GREB1: variants seen among roughly 807,000 people sequenced by gnomAD.
GREB1 encodes the protein growth regulating estrogen receptor binding 1.
In GREB1, 106 loss-of-function variants were observed where a neutral mutation model predicts 200.7. The ratio of observed to expected loss-of-function variants is 0.53; its 90% CI spans 0.45 to 0.62. The LOEUF is 0.62. GREB1 is among the 20% of genes least tolerant of loss of function. The pLI is 0.00. For synonymous variants in GREB1, 1,132 were observed against 1,092.4 expected, an observed-to-expected ratio of 1.04 and a Z score of -0.72; for missense variants, 2,243 against 2,556.8, an observed-to-expected ratio of 0.88 and a Z score of 2.65.
At chr2:11,627,330 C>T (rs146426703) in intron 25 of GREB1, among the ~76,000 whole-genome samples, 114 of 152,260 alleles carry the variant, frequency 7.5e-4, no homozygotes, top group South Asian at 1.7e-3. Context: ...CCAAGTTACC[C>T]GACCGTGGAG....
In GREB1 at chr2:11,618,913, C is replaced by G. The variant is rs1037677921; in HGVS notation, c.4038C>G (p.Pro1346=). The G allele has an allele frequency of 1.1e-5, 17 of 1,515,252 alleles. No homozygotes were observed. In the East Asian group the frequency reaches 2.6e-4, roughly 23 times the overall value. The allele number at this position is 1,515,252 out of a possible 1,614,324, so 93.9% of individuals were successfully genotyped here. ...FHPRRLLLSG[P]PQIGKTGAYL... The stretch of plus-strand genomic sequence containing the variant: ...CCCGCAGGCTGCTGCTCAGCGGCCC[C>G]CCTCAGGTGAGTGTTGCTCGCTGCC... Residue 1346 remains proline (P), a synonymous_variant, in exon 22 of 33, where the codon CCC becomes CCG. Transcript: ENST00000381486.
upstream of GREB1, among the ~76,000 whole-genome samples, chr2:11,533,665 A>G (rs1469540598): frequency 6.6e-6 from 1 of 152,244 alleles, no homozygotes; most frequent in Non-Finnish European, 1.5e-5. Flanking sequence ...TTGAGATTCT[A>G]GCTTAGTGCA....
intron 1 of GREB1, among the ~76,000 whole-genome samples, chr2:11,541,474 G>T (rs1364571738): frequency 6.6e-6 from 1 of 152,000 alleles, no homozygotes; most frequent in African/African-American, 2.4e-5. Context: ...GGAACACTTG[G>T]CATCGTGACC....
At chr2:11,571,893 A>C (rs1342867494) in intron 4 of GREB1, among the ~76,000 whole-genome samples, 1 of 152,036 alleles carries the variant, frequency 6.6e-6, no homozygotes, top group Non-Finnish European at 1.5e-5. Flanking sequence ...TTGTATTTTT[A>C]GTAGAGACAG....
At chr2:11,525,675 T>C (rs1273698364) in intron 1 of GREB1, among the ~76,000 whole-genome samples, 1 of 152,076 alleles carries the variant, frequency 6.6e-6, no homozygotes, top group African/African-American at 2.4e-5. Context: ...CTGCAGGGTG[T>C]AAGACACCAC....
At chr2:11,639,809 T>C (rs1487627880) in intron 32 of GREB1, among the ~76,000 whole-genome samples, 7 of 151,820 alleles carry the variant, frequency 4.6e-5, no homozygotes, top group Non-Finnish European at 1.5e-5. Flanking sequence ...AGAGGGACAG[T>C]GTGGAGGAGA....
chr2:11,598,577 G>A (rs1681475892), intron 14 of GREB1, 103 bp from the exon 15 acceptor site: 1 of 996,902 alleles, frequency 1.0e-6, no homozygotes, highest in Admixed American at 2.0e-5. Context: ...TCTGAGTCTA[G>A]CTCAGGACCT....
At chr2:11,588,965 G>T in intron 10 of GREB1, 34 bp downstream of exon 10, 1 of 1,583,940 alleles carries the variant, frequency 6.3e-7, no homozygotes, top group Non-Finnish European at 8.7e-7. Flanking sequence ...CCAGTGGCAG[G>T]GAGTGGCCAC....
intron 1 of GREB1, chr2:11,517,408 G>A (rs190826931): frequency 6.6e-6 from 1 of 152,468 alleles, no homozygotes; most frequent in East Asian, 1.9e-4. Context: ...TCGATGGCTG[G>A]ACCGACCTGA....
At chr2:11,619,058 T>C in intron 22 of GREB1, 139 bp downstream of exon 22, 1 of 868,906 alleles carries the variant, frequency 1.2e-6, no homozygotes, top group Non-Finnish European at 1.7e-6. Flanking sequence ...TCCAATGGCC[T>C]GGGGTGGACC....
At chr2:11,506,030 C>T (rs1673174316) in intron 1 of GREB1, among the ~76,000 whole-genome samples, 2 of 152,114 alleles carry the variant, frequency 1.3e-5, no homozygotes, top group African/African-American at 2.4e-5. Flanking sequence ...AGTGAAGGAG[C>T]GACAGGGCTG....
At chr2:11,607,607 T>TAG (rs1682506982) in intron 17 of GREB1, among the ~76,000 whole-genome samples, 5 of 32,560 alleles carry the variant, frequency 1.5e-4, no homozygotes, top group African/African-American at 2.2e-4. Flanking sequence ...TATATACATA[T>TAG]ATACACATAT....
At chr2:11,509,512 T>TA (rs1165967256) in intron 1 of GREB1, among the ~76,000 whole-genome samples, 6 of 152,192 alleles carry the variant, frequency 3.9e-5, no homozygotes, top group Non-Finnish European at 7.4e-5. Context: ...TTATCACACC[T>TA]AAAAAACATT....
Position 11,640,040 on chromosome 2 carries a change from C to T in GREB1, c.5687-251C>T, listed in dbSNP as rs966469702. ...GCCTCTCTCCTTCCTCTCCGCACCT[C>T]GGTTCAGTCCCTGCTCGGCTTTCCT... On this transcript the variant is annotated intron_variant, in intron 32 of 32. Transcript: ENST00000381486. This position sits in a 1 kb window ranked among gnomAD's most constrained non-coding sequence, Gnocchi z 4.6. Among the ~76,000 whole-genome samples the T allele has an allele frequency of 1.1e-4, 16 of 152,218 alleles. No individual in the cohort carries two copies. The East Asian group carries it at 2.9e-3, about 28-fold the overall frequency.
At position 11,618,592 on chromosome 2, in the gene GREB1, G is replaced by A. The variant is rs564675873; in HGVS notation, c.3717G>A (p.Thr1239=). 7.7e-5 allele frequency: 124 copies of A among 1,613,104 alleles called. 3 individuals are homozygous for A. In the South Asian group the frequency reaches 8.7e-4, roughly 11 times the overall value. ...CATCCGTGGCGCCCGCTGCCGGCAC[G>A]TGGGTCCTGCAGGCCTCCCAGTGCT... ...SSSSVAPAAG[T]WVLQASQCSL... is the part of the protein sequence containing the mutation. The change falls in exon 22 of 33, where the codon ACG becomes ACA. Residue 1239 remains threonine (T), a synonymous_variant. Transcript: ENST00000381486.
chr2:11,615,009 G>C, intron 19 of GREB1, 82 bp from the exon 20 acceptor site: 1 of 1,068,042 alleles, frequency 9.4e-7, no homozygotes, highest in South Asian at 1.3e-5. Context: ...GTGTGGTCCC[G>C]ATCAGTGCTG....
chr2:11,614,966 T>C (rs1683279213), intron 19 of GREB1, 125 bp from the exon 20 acceptor site: 1 of 713,652 alleles, frequency 1.4e-6, no homozygotes, highest in South Asian at 1.7e-5. Flanking sequence ...TTTCCACTTG[T>C]ACGAGTCCTT....
At chr2:11,523,628 T>A (rs1673777197) in intron 1 of GREB1, among the ~76,000 whole-genome samples, 1 of 152,166 alleles carries the variant, frequency 6.6e-6, no homozygotes, top group Admixed American at 6.5e-5. Context: ...TTTGGATAGA[T>A]GTCTGGTATG....
intron 5 of GREB1, among the ~76,000 whole-genome samples, chr2:11,577,222 G>A (rs1678958510): frequency 6.6e-6 from 1 of 151,964 alleles, no homozygotes; most frequent in Non-Finnish European, 1.5e-5. Flanking sequence ...CTCAAGACAA[G>A]TTTGATTGTC....
Sources: gnomAD v4.1 joint callset for allele counts (sites outside exome capture counted in the v4.1 genomes callset) on GRCh38, gnomAD v4.1.1 for gene constraint, Gnocchi (gnomAD v3.1) non-coding constraint, MANE v1.5 for transcripts, NCBI Gene and HGNC (gene_info 2026-07-23, HGNC 2026-07-21) for gene names.